The following SP140L variants were observed in gnomAD, a reference collection of about 807,000 sequenced individuals.
The protein encoded by SP140L is nuclear body protein SP140-like protein.
SP140L carries 64 observed loss-of-function variants against 84.3 expected under a neutral mutation model. The ratio of observed to expected loss-of-function variants is 0.76; its 90% CI spans 0.62 to 0.94. The LOEUF (loss-of-function observed/expected upper bound fraction) is 0.94. SP140L is among the 40% of genes least tolerant of loss of function. The probability of loss-of-function intolerance (pLI) is 0.00; values close to 1 mark genes in which losing one functional copy is unlikely to be tolerated. For missense variants in SP140L, 628 were observed against 692.5 expected (o/e 0.91, Z 1.05); for synonymous variants, 242 against 236.9 (o/e 1.02, Z -0.20).
chr2:230,362,815 TC>T (rs1440485712), intron 5 of SP140L, among the ~76,000 whole-genome samples: 3 of 151,554 alleles, frequency 2.0e-5, no homozygotes, highest in African/African-American at 7.3e-5. Flanking sequence ...CTCTGTGATA[TC>T]CAGGGAACCT....
rs1357152399 is a variant in SP140L, at chr2:230,341,629, A to G, written c.107+12798A>G. Among the ~76,000 whole-genome samples, 16 of 148,178 alleles carry G rather than the reference A, an allele frequency of 1.1e-4. No individual in the cohort carries two copies. In the South Asian group the frequency reaches 3.2e-3, roughly 30 times the overall value. On this transcript the variant is annotated intron_variant, in intron 2 of 18. Coordinates refer to ENST00000415673, the MANE Select transcript of SP140L (RefSeq NM_138402.6). ...TTTCCCCATCTTTGTGGTTTTATCT[A>G]CTTTTGGTCTTTGATGATGGTGATG...
intron 11 of SP140L, among the ~76,000 whole-genome samples, chr2:230,391,161 T>C (rs1225010466): frequency 6.6e-6 from 1 of 152,262 alleles, no homozygotes. Flanking sequence ...TTGGCTGTTA[T>C]AAATAATGCT....
At chr2:230,361,243 C>T (rs1307250866) in intron 4 of SP140L, among the ~76,000 whole-genome samples, 1 of 152,206 alleles carries the variant, frequency 6.6e-6, no homozygotes, top group Non-Finnish European at 1.5e-5. Flanking sequence ...TGAGCCACTG[C>T]ACCTGGCCAG....
intron 11 of SP140L, 72 bp from the exon 12 acceptor site, chr2:230,392,015 A>AT: frequency 6.3e-7 from 1 of 1,595,914 alleles, no homozygotes; most frequent in Non-Finnish European, 8.6e-7. Flanking sequence ...TCTAGATCCA[A>AT]TGTGGTGAGT....
intron 1 of SP140L, 34 bp downstream of exon 1, chr2:230,327,335 C>A: frequency 6.2e-7 from 1 of 1,600,984 alleles, no homozygotes; most frequent in Non-Finnish European, 8.5e-7. Flanking sequence ...TCACCTTTAT[C>A]TCTGGCAGTA....
Position 230,327,211 on chromosome 2 carries a change from G to T in SP140L, c.-59G>T, listed in dbSNP as rs2059601490. The stretch of plus-strand genomic sequence containing the variant: ...GGCAGCCACACTGCACGCAGGCTGG[G>T]CCGACTGGGGAGCTCATAGGCCAGG... On this transcript the variant is annotated 5_prime_UTR_variant, in exon 1 of 19. Transcript: ENST00000415673. 8 of 1,569,874 alleles carry T rather than the reference G, an allele frequency of 5.1e-6. No homozygotes were observed. The highest frequency in any genetic ancestry group is 6.9e-6 in the Non-Finnish European group (8 of 1,155,932).
intron 7 of SP140L, among the ~76,000 whole-genome samples, chr2:230,382,137 C>A (rs1309172753): frequency 2.0e-5 from 3 of 152,106 alleles, no homozygotes; most frequent in African/African-American, 7.2e-5. Context: ...TCCTCTTTGT[C>A]CATGACACCA....
At chr2:230,392,292 C>T in intron 12 of SP140L, 63 bp downstream of exon 12, 1 of 1,601,914 alleles carries the variant, frequency 6.2e-7, no homozygotes, top group Admixed American at 1.7e-5. Flanking sequence ...AATGAGGAGA[C>T]TGTTTATTCA....
chr2:230,345,729 T>C (rs1345047476), intron 2 of SP140L, among the ~76,000 whole-genome samples: 1 of 152,148 alleles, frequency 6.6e-6, no homozygotes, highest in Non-Finnish European at 1.5e-5. Flanking sequence ...GATTTTAAGC[T>C]AACAACTTCA....
intron 2 of SP140L, among the ~76,000 whole-genome samples, chr2:230,342,700 C>T (rs1482415509): frequency 6.6e-6 from 1 of 152,124 alleles, no homozygotes; most frequent in Non-Finnish European, 1.5e-5. Context: ...TTCATAGTAG[C>T]CTAATGATTC....
intron 7 of SP140L, among the ~76,000 whole-genome samples, chr2:230,383,286 A>G (rs1436012236): frequency 6.6e-6 from 1 of 152,140 alleles, no homozygotes; most frequent in African/African-American, 2.4e-5. Flanking sequence ...GTTTCAAAGG[A>G]AGGTCATCTC....
At chr2:230,382,049 T>C (rs190452579) in intron 7 of SP140L, among the ~76,000 whole-genome samples, 1 of 152,282 alleles carries the variant, frequency 6.6e-6, no homozygotes, top group Non-Finnish European at 1.5e-5. Flanking sequence ...TTGTGTCCAG[T>C]CCTTGATTTG....
At chr2:230,366,710 CTATT>C (rs201333908) in intron 5 of SP140L, among the ~76,000 whole-genome samples, 95 of 144,580 alleles carry the variant, frequency 6.6e-4, no homozygotes, top group South Asian at 2.8e-3. Flanking sequence ...GGATTATTAT[CTATT>C]ATTATTATTA....
At chr2:230,348,037 G>A (rs1319011242) in intron 2 of SP140L, among the ~76,000 whole-genome samples, 1 of 152,204 alleles carries the variant, frequency 6.6e-6, no homozygotes, top group Non-Finnish European at 1.5e-5. Flanking sequence ...GACAGAAGTG[G>A]GCCTCCTAAG....
intron 2 of SP140L, among the ~76,000 whole-genome samples, chr2:230,356,795 C>G (rs967092351): frequency 6.6e-6 from 1 of 152,196 alleles, no homozygotes; most frequent in African/African-American, 2.4e-5. Flanking sequence ...TTTTTGTCTT[C>G]AAGGTTTTAT....
intron 2 of SP140L, among the ~76,000 whole-genome samples, chr2:230,333,093 G>C (rs908329385): frequency 6.6e-6 from 1 of 151,736 alleles, no homozygotes; most frequent in Admixed American, 6.6e-5. Context: ...TAAATGTATA[G>C]TTTGGAAATT....
chr2:230,363,142 T>C (rs1471535430), intron 5 of SP140L, among the ~76,000 whole-genome samples: 2 of 152,178 alleles, frequency 1.3e-5, no homozygotes, highest in Non-Finnish European at 2.9e-5. Context: ...ATCATAACTG[T>C]AGGAGCATCT....
At chr2:230,331,916 A>G (rs1021895645) in intron 2 of SP140L, among the ~76,000 whole-genome samples, 1 of 152,012 alleles carries the variant, frequency 6.6e-6, no homozygotes, top group Non-Finnish European at 1.5e-5. Flanking sequence ...TCTTTTTCAG[A>G]ATTTATACCG....
At chr2:230,361,234 G>A (rs2060707213) in intron 4 of SP140L, among the ~76,000 whole-genome samples, 1 of 152,152 alleles carries the variant, frequency 6.6e-6, no homozygotes, top group South Asian at 2.1e-4. Flanking sequence ...TTACAAGCAT[G>A]AGCCACTGCA....
Sources: allele counts gnomAD v4.1 joint callset (sites outside exome capture counted in the v4.1 genomes callset), GRCh38; gene constraint gnomAD v4.1.1; transcripts MANE v1.5; gene names NCBI Gene and HGNC (gene_info 2026-07-23, HGNC 2026-07-21).